The following ADARB2 variants were observed in gnomAD, a reference collection of about 807,000 sequenced individuals.
The protein encoded by ADARB2 is adenosine deaminase RNA specific B2 (inactive), also known as inactive double-stranded RNA-specific editase B2.
Under a neutral mutation model 62.2 loss-of-function variants are expected in ADARB2, and 25 were observed. The ratio of observed to expected loss-of-function variants is 0.40; its 90% CI spans 0.29 to 0.56. The LOEUF is 0.56. ADARB2 is among the 20% of genes least tolerant of loss of function. The pLI is 0.43. For missense variants in ADARB2, 1,071 were observed against 1,077.4 expected (o/e 0.99, Z 0.08); for synonymous variants, 572 against 500.8 (o/e 1.14, Z -1.90).
intron 1 of ADARB2, among the ~76,000 whole-genome samples, chr10:1,381,414 G>A (rs1423450539): frequency 1.3e-5 from 2 of 152,254 alleles, no homozygotes; most frequent in African/African-American, 4.8e-5. Flanking sequence ...AAAGCCAGAA[G>A]ATAATGTGTT....
intron 1 of ADARB2, among the ~76,000 whole-genome samples, chr10:1,606,228 C>G (rs1011870761): frequency 6.6e-6 from 1 of 152,160 alleles, no homozygotes; most frequent in Non-Finnish European, 1.5e-5. Flanking sequence ...AGTCTTCACC[C>G]TATGGCACTA....
At chr10:1,414,951 G>A (rs960355236) in intron 1 of ADARB2, among the ~76,000 whole-genome samples, 1 of 151,768 alleles carries the variant, frequency 6.6e-6, no homozygotes, top group Non-Finnish European at 1.5e-5. Flanking sequence ...GATGGTGGAT[G>A]GGTGGGTGGC....
At chr10:1,706,581 A>G (rs1403660107) in intron 1 of ADARB2, among the ~76,000 whole-genome samples, 1 of 152,192 alleles carries the variant, frequency 6.6e-6, no homozygotes, top group East Asian at 1.9e-4. Context: ...GATTCCTCCA[A>G]GTATTTTTAT....
At chr10:1,321,800 C>G (rs1831798215) in intron 3 of ADARB2, among the ~76,000 whole-genome samples, 1 of 152,088 alleles carries the variant, frequency 6.6e-6, no homozygotes, top group African/African-American at 2.4e-5. Flanking sequence ...GTTGGTAAGC[C>G]CTGTACTCTA....
At position 1,310,780 on chromosome 10, in the gene ADARB2, C is replaced by T. The variant is rs117379076; in HGVS notation, c.1078-39711G>A. Among the ~76,000 whole-genome samples the T allele has an allele frequency of 2.3e-4, 35 of 152,268 alleles. 1 individual carries two copies. The East Asian group carries it at 5.2e-3, about 23-fold the overall frequency. The stretch of plus-strand genomic sequence containing the variant: ...TCCTGTCCCGTTTCACTCTGACTCT[C>T]GTTTCCCCAAGGAAGAGGCAGGGAA... On this transcript the variant is annotated intron_variant, in intron 3 of 9. Transcript: ENST00000381312.
In ADARB2 at chr10:1,381,525, G is replaced by C. The variant is rs370233326; in HGVS notation, c.101-2365C>G. Among the ~76,000 whole-genome samples the C allele has an allele frequency of 3.3e-5, 5 of 152,332 alleles. No homozygotes were observed. In the East Asian group the frequency reaches 7.7e-4, roughly 23 times the overall value. ...CAATGCCCAAATAATGGAAACTCAA[G>C]GAGAGATCTGCATCCTCATATCCTC... On this transcript the variant is annotated intron_variant, in intron 1 of 9. Transcript: ENST00000381312.
intron 1 of ADARB2, among the ~76,000 whole-genome samples, chr10:1,580,852 C>G (rs1833088720): frequency 6.6e-6 from 1 of 152,202 alleles, no homozygotes; most frequent in Admixed American, 6.5e-5. Flanking sequence ...TTCAGACTGC[C>G]TCATTCACGT....
intron 1 of ADARB2, among the ~76,000 whole-genome samples, chr10:1,518,813 G>A (rs186110727): frequency 8.5e-5 from 13 of 152,082 alleles, no homozygotes; most frequent in African/African-American, 2.9e-4. Context: ...GTCTGCATGT[G>A]GTGTGGTCAT....
intron 1 of ADARB2, among the ~76,000 whole-genome samples, chr10:1,718,975 T>TTTGTTG (rs747322897): frequency 2.7e-5 from 3 of 112,012 alleles, no homozygotes; most frequent in East Asian, 2.3e-4. Context: ...TTACCTTCTT[T>TTTGTTG]TTGTTGTTGT....
At chr10:1,329,885 T>A (rs2131833215) in intron 3 of ADARB2, among the ~76,000 whole-genome samples, 1 of 149,582 alleles carries the variant, frequency 6.7e-6, no homozygotes, top group African/African-American at 2.5e-5. Context: ...CCAGGGGCTG[T>A]GAATCAGGGC....
At chr10:1,253,776 G>T (rs1440108136) in intron 4 of ADARB2, among the ~76,000 whole-genome samples, 1 of 152,240 alleles carries the variant, frequency 6.6e-6, no homozygotes, top group East Asian at 1.9e-4. Flanking sequence ...TCCTGGACTA[G>T]AAGGTGTGTA....
chr10:1,581,267 A>T (rs908295429), intron 1 of ADARB2, among the ~76,000 whole-genome samples: 2 of 152,250 alleles, frequency 1.3e-5, no homozygotes, highest in Non-Finnish European at 2.9e-5. Flanking sequence ...AACCCATCAG[A>T]CGTTCCGCTC....
chr10:1,726,886 C>G (rs757430221), intron 1 of ADARB2, among the ~76,000 whole-genome samples: 18 of 152,100 alleles, frequency 1.2e-4, no homozygotes, highest in Non-Finnish European at 2.1e-4. Context: ...GGAGAGGGCC[C>G]GGGGAAGGAC....
At chr10:1,294,423 G>C (rs1589181978) in intron 3 of ADARB2, among the ~76,000 whole-genome samples, 1 of 152,110 alleles carries the variant, frequency 6.6e-6, no homozygotes, top group East Asian at 1.9e-4. Flanking sequence ...ATTTCTGTCA[G>C]CCACAGCTGC....
intron 1 of ADARB2, among the ~76,000 whole-genome samples, chr10:1,711,345 C>G (rs533089697): frequency 6.6e-6 from 1 of 152,178 alleles, no homozygotes. Context: ...GCTGGACACC[C>G]GGTGCCATGC....
intron 2 of ADARB2, among the ~76,000 whole-genome samples, chr10:1,369,851 A>G (rs1832352093): frequency 6.6e-6 from 1 of 152,164 alleles, no homozygotes. Flanking sequence ...GTCTTCTCTC[A>G]GGAAGCTGTC....
At chr10:1,537,114 A>C (rs1430429031) in intron 1 of ADARB2, among the ~76,000 whole-genome samples, 1 of 152,234 alleles carries the variant, frequency 6.6e-6, no homozygotes, top group East Asian at 1.9e-4. Flanking sequence ...ACAAATTTAC[A>C]AGAAAAAAAC....
chr10:1,465,065 T>C (rs971296396), intron 1 of ADARB2, among the ~76,000 whole-genome samples: 1 of 152,160 alleles, frequency 6.6e-6, no homozygotes, highest in African/African-American at 2.4e-5. Context: ...GACCCAGCCA[T>C]GCCCAGGAAG....
intron 3 of ADARB2, among the ~76,000 whole-genome samples, chr10:1,352,573 C>T (rs1832154032): frequency 6.6e-6 from 1 of 152,204 alleles, no homozygotes; most frequent in Non-Finnish European, 1.5e-5. Context: ...TAGCCCAGCC[C>T]TCATGTCTGC....
Sources: gnomAD v4.1 joint callset for allele counts (sites outside exome capture counted in the v4.1 genomes callset) on GRCh38, gnomAD v4.1.1 for gene constraint, MANE v1.5 for transcripts, NCBI Gene and HGNC (gene_info 2026-07-23, HGNC 2026-07-21) for gene names.